The following GTPBP10 variants were observed in gnomAD, a reference collection of about 807,000 sequenced individuals.
GTPBP10 encodes GTP binding protein 10, also known as GTP-binding protein 10.
A neutral mutation model predicts 44.8 loss-of-function variants in GTPBP10; 38 were observed. The observed-to-expected ratio is 0.85, with a 90% CI of 0.65 to 1.11. The LOEUF (loss-of-function observed/expected upper bound fraction) is 1.11. GTPBP10 is among the 50% of genes most tolerant of loss of function. GTPBP10 has a pLI of 0.00. For missense variants in GTPBP10, 462 were observed against 453.7 expected, an observed-to-expected ratio of 1.02 and a Z score of -0.17; for synonymous variants, 152 against 150.6, an observed-to-expected ratio of 1.01 and a Z score of -0.07.
chr7:90,375,649 G>C (rs17869456), intron 6 of GTPBP10, among the ~76,000 whole-genome samples: 1 of 152,088 alleles, frequency 6.6e-6, no homozygotes, highest in African/African-American at 2.4e-5. Context: ...GAATTTTTAA[G>C]GGAAATCAGT....
Position 90,352,995 on chromosome 7 carries a change from A to T in GTPBP10, c.213A>T (p.Val71=). Residue 71 remains valine (V), a synonymous_variant, in exon 2 of 10, where the codon GTA becomes GTT. Coordinates refer to ENST00000222511, the MANE Select transcript of GTPBP10 (RefSeq NM_033107.4). ...RYPRKRFVAG[V]GANSKISALK... ...CTCGGAAACGGTTTGTGGCTGGAGTAGGAGCAAACAGCAAGTAAGTAATTA... is the reference window on the plus strand; with the variant it reads ...CTCGGAAACGGTTTGTGGCTGGAGTTGGAGCAAACAGCAAGTAAGTAATTA... 1 of 1,588,986 alleles carries T rather than the reference A, an allele frequency of 6.3e-7. No homozygotes were observed. The highest frequency in any genetic ancestry group is 8.6e-7 in the Non-Finnish European group (1 of 1,165,364).
chr7:90,358,225 A>G (rs1795943652), intron 4 of GTPBP10, among the ~76,000 whole-genome samples: 2 of 152,210 alleles, frequency 1.3e-5, no homozygotes, highest in South Asian at 4.1e-4. Context: ...TACGTAACCA[A>G]GGTCGAGAAA....
At chr7:90,383,246 C>A (rs1796463338) in intron 9 of GTPBP10, among the ~76,000 whole-genome samples, 167 bp downstream of exon 9, 1 of 152,010 alleles carries the variant, frequency 6.6e-6, no homozygotes, top group African/African-American at 2.4e-5. Flanking sequence ...TTACCAAATT[C>A]TAGAATGTTT....
chr7:90,388,118 G>A lies in GTPBP10; in HGVS notation c.*2964G>A, dbSNP rs892375139. Reference sequence around the variant, plus strand: ...ATGTTCAATTCATTAGTATTTTCTGGTTACTCAAAGTGTACTCTATGTACC... The same window carrying A: ...ATGTTCAATTCATTAGTATTTTCTGATTACTCAAAGTGTACTCTATGTACC... On this transcript the variant is annotated 3_prime_UTR_variant, in exon 10 of 10. Coordinates refer to ENST00000222511, the MANE Select transcript of GTPBP10 (RefSeq NM_033107.4). 6.6e-6 allele frequency: 1 copy of A among 151,982 alleles called. No homozygotes were observed. Among genetic ancestry groups the A allele is most frequent in the African/African-American group, 2.4e-5 (1 of 41,390 alleles). 9.4% of individuals were successfully genotyped at this position (151,982 alleles called of 1,614,324 possible).
chr7:90,372,064 C>T (rs899198744), intron 4 of GTPBP10, 91 bp from the exon 5 acceptor site: 2 of 722,974 alleles, frequency 2.8e-6, no homozygotes, highest in African/African-American at 3.6e-5. Flanking sequence ...TACTTTTAAT[C>T]CCAAATATAT....
At chr7:90,349,753 A>G (rs1174509734) in intron 1 of GTPBP10, among the ~76,000 whole-genome samples, 3 of 152,122 alleles carry the variant, frequency 2.0e-5, no homozygotes, top group Non-Finnish European at 2.9e-5. Context: ...CATGTTTTCC[A>G]GAATAGGGTA....
At position 90,389,832 on chromosome 7, in the gene GTPBP10, C is replaced by G. The variant is rs1005186250; in HGVS notation, c.*4678C>G. On this transcript the variant is annotated 3_prime_UTR_variant, in exon 10 of 10. Transcript: ENST00000222511. ...TATTCTTTTTAGAGACAGGGTCTCT[C>G]TGTGGAGTGCAGTGGCATGATTATA... 3 of 152,084 alleles carry G rather than the reference C, an allele frequency of 2.0e-5. No individual in the cohort carries two copies. Among genetic ancestry groups the G allele is most frequent in the Non-Finnish European group, 2.9e-5 (2 of 68,022 alleles). The allele number at this position is 152,084 out of a possible 1,614,324, so 9.4% of individuals were successfully genotyped here. A position where few individuals can be genotyped will look rare whatever the true frequency, so the allele number is the denominator to read the frequency against.
At chr7:90,375,953 G>C (rs1185410040) in intron 6 of GTPBP10, among the ~76,000 whole-genome samples, 9 of 151,908 alleles carry the variant, frequency 5.9e-5, no homozygotes. Context: ...GTGGCCGGGT[G>C]TGGTGGCTTA....
chr7:90,360,694 A>G (rs1377914397), intron 4 of GTPBP10, among the ~76,000 whole-genome samples: 1 of 152,118 alleles, frequency 6.6e-6, no homozygotes, highest in East Asian at 1.9e-4. Flanking sequence ...TGGTAGCTTG[A>G]TGGGGCTGGC....
chr7:90,370,358 G>GTGTA (rs1554398140), intron 4 of GTPBP10, among the ~76,000 whole-genome samples: 6 of 150,442 alleles, frequency 4.0e-5, no homozygotes, highest in African/African-American at 1.5e-4. Context: ...GTGTGTGTGT[G>GTGTA]TATCTATATA....
rs1454600657 is a variant in GTPBP10, at chr7:90,352,893, A to G, written c.111A>G (p.Gly37=). ...SGGMGYPRLG[G]EGGKGGDVWV... is the part of the protein sequence containing the mutation. ...GAATGGGTTATCCTCGTTTAGGTGG[A>G]GAAGGTGGAAAAGGTGGTGATGTCT... The change falls in exon 2 of 10, where the codon GGA becomes GGG. Residue 37 remains glycine (G), a synonymous_variant. Coordinates refer to ENST00000222511, the MANE Select transcript of GTPBP10 (RefSeq NM_033107.4). 1 of 1,613,856 alleles carries G rather than the reference A, an allele frequency of 6.2e-7. No individual in the cohort carries two copies. Among genetic ancestry groups the G allele is most frequent in the South Asian group, 1.1e-5 (1 of 91,064 alleles).
intron 6 of GTPBP10, among the ~76,000 whole-genome samples, chr7:90,376,423 C>T (rs1047899217): frequency 6.6e-6 from 1 of 152,114 alleles, no homozygotes; most frequent in Non-Finnish European, 1.5e-5. Context: ...TTGTCGAGTG[C>T]TGTTTCACCT....
chr7:90,349,323 G>A (rs1230846030), intron 1 of GTPBP10, among the ~76,000 whole-genome samples: 1 of 151,986 alleles, frequency 6.6e-6, no homozygotes, highest in African/African-American at 2.4e-5. Flanking sequence ...AGGTCCTTGC[G>A]ACCCCGTGAT....
At chr7:90,355,371 C>A in intron 4 of GTPBP10, 141 bp downstream of exon 4, 1 of 504,648 alleles carries the variant, frequency 2.0e-6, no homozygotes, top group Non-Finnish European at 3.4e-6. Flanking sequence ...GGAAAATATG[C>A]TGCTAAATAT....
At chr7:90,349,404 A>G (rs1795744718) in intron 1 of GTPBP10, among the ~76,000 whole-genome samples, 1 of 152,114 alleles carries the variant, frequency 6.6e-6, no homozygotes, top group South Asian at 2.1e-4. Context: ...TGTTGAACTC[A>G]TGGGGTTCTG....
At chr7:90,373,210 G>A (rs1487117938) in intron 5 of GTPBP10, among the ~76,000 whole-genome samples, 1 of 152,122 alleles carries the variant, frequency 6.6e-6, no homozygotes, top group Non-Finnish European at 1.5e-5. Flanking sequence ...GACCATTTAG[G>A]CTGTATTTGA....
Position 90,369,500 on chromosome 7 carries a change from C to T in GTPBP10, c.465-2655C>T, listed in dbSNP as rs1359361143. Among the ~76,000 whole-genome samples, 7 of 152,152 alleles carry T rather than the reference C, an allele frequency of 4.6e-5. No homozygotes were observed. The South Asian group carries it at 1.0e-3, about 22-fold the overall frequency. On this transcript the variant is annotated intron_variant, in intron 4 of 9. Transcript: ENST00000222511. ...TTTGTTTACACTGTCAGCACAAAAC[C>T]GCCTCCTCAAGCCTCAGCAATTGCG... is the stretch of plus-strand genomic sequence containing the variant.
At chr7:90,381,255 T>C (rs577150457) in intron 8 of GTPBP10, among the ~76,000 whole-genome samples, 2 of 152,336 alleles carry the variant, frequency 1.3e-5, no homozygotes, top group Admixed American at 1.3e-4. Flanking sequence ...CACTCAACGG[T>C]GTTCAAGAGT....
Position 90,352,979 on chromosome 7 carries a change from G to A in GTPBP10, c.197G>A (p.Arg66Gln), listed in dbSNP as rs1562953330. The A allele has an allele frequency of 1.9e-6, 3 of 1,607,742 alleles. No individual in the cohort carries two copies. The highest frequency in any genetic ancestry group is 1.1e-5 in the South Asian group (1 of 90,028). The change falls in exon 2 of 10, where the codon CGG (arginine) becomes CAG (glutamine). Residue 66 changes from arginine to glutamine, a missense_variant. Coordinates refer to ENST00000222511, the MANE Select transcript of GTPBP10 (RefSeq NM_033107.4). The part of the protein sequence containing the change: ...KQLKDRYPRK[R>Q]FVAGVGANSK... ...CTTAAAGACAGGTATCCTCGGAAAC[G>A]GTTTGTGGCTGGAGTAGGAGCAAAC... is the stretch of plus-strand genomic sequence containing the variant.
Sources: allele counts gnomAD v4.1 joint callset (sites outside exome capture counted in the v4.1 genomes callset), GRCh38; gene constraint gnomAD v4.1.1; transcripts MANE v1.5; gene names NCBI Gene and HGNC (gene_info 2026-07-23, HGNC 2026-07-21).